The following SYT13 variants were observed in gnomAD, a reference collection of about 807,000 sequenced individuals.
The protein encoded by SYT13 is synaptotagmin-13.
Under a neutral mutation model 38.6 loss-of-function variants are expected in SYT13, and 21 were observed. The observed-to-expected ratio is 0.54, with a 90% CI of 0.39 to 0.78. The LOEUF (loss-of-function observed/expected upper bound fraction) is 0.78, where lower values mean the gene tolerates loss of function less well. Among genes scored for constraint, SYT13 ranks in the 30% least tolerant of loss-of-function variants. SYT13 has a pLI of 0.00. For missense variants in SYT13, 495 were observed against 548.7 expected, an observed-to-expected ratio of 0.90 and a Z score of 0.98; for synonymous variants, 241 against 237.6, an observed-to-expected ratio of 1.01 and a Z score of -0.13.
intron 4 of SYT13, 39 bp from the exon 5 acceptor site, chr11:45,246,551 TG>T: frequency 1.2e-6 from 2 of 1,606,560 alleles, no homozygotes; most frequent in Non-Finnish European, 8.5e-7. Flanking sequence ...GAGTCTCACC[TG>T]GGGACGCCTT....
In SYT13 at chr11:45,252,699, C is replaced by T. The variant is rs748002772; in HGVS notation, c.568G>A (p.Gly190Ser). The T allele has an allele frequency of 2.5e-6, 4 of 1,582,344 alleles. No individual in the cohort carries two copies. The South Asian group carries it at 3.4e-5, about 13-fold the overall frequency. Residue 190 changes from glycine (G) to serine (S), a missense_variant, in exon 4 of 6, where the codon GGC becomes AGC. Coordinates refer to ENST00000020926, the MANE Select transcript of SYT13 (RefSeq NM_020826.3). The surrounding 1 kb of genome is among the most constrained non-coding windows in gnomAD (Gnocchi z 4.3). The part of the protein sequence containing the change: ...LEAVTSNHDG[G>S]CDCYVQGSVA... ...CTCCCTTGGACGTAGCAGTCACAGC[C>T]TCCGTCGTGGTTGCTGGTCACAGCT... is the stretch of plus-strand genomic sequence containing the variant.
intron 4 of SYT13, among the ~76,000 whole-genome samples, chr11:45,249,834 A>C (rs568720225): frequency 4.3e-4 from 65 of 152,200 alleles, no homozygotes; most frequent in Non-Finnish European, 8.4e-4. Flanking sequence ...CCAACATGGC[A>C]CATGTGTACC....
At chr11:45,256,924 T>C (rs1854754646) in intron 1 of SYT13, among the ~76,000 whole-genome samples, 1 of 152,228 alleles carries the variant, frequency 6.6e-6, no homozygotes, top group Non-Finnish European at 1.5e-5. Flanking sequence ...AGAGTGTCAC[T>C]GGGCATCAAG....
In SYT13 at chr11:45,255,742, A is replaced by G; in HGVS notation, c.333T>C (p.Pro111=). 1.2e-6 allele frequency: 2 copies of G among 1,614,156 alleles called. No individual in the cohort carries two copies. The highest frequency in any genetic ancestry group is 1.7e-6 in the Non-Finnish European group (2 of 1,180,018). Residue 111 remains proline (P), a synonymous_variant, in exon 2 of 6, where the codon CCT becomes CCC. Transcript: ENST00000020926. ...SLRSTEEPTA[P]ASPQPPNDSR... ...TGTCATTCGGGGGTTGGGGGCTGGC[A>G]GGTGCAGTGGGCTCCTCCGTAGACC...
rs536506064 is a variant in SYT13 at position 45,252,929 on chromosome 11, C to T, written c.545-207G>A. Reference sequence around the variant, plus strand: ...TGAGGGGGCTGGCCTCAGCACATGCCGATTCTCTTTCTTGGAGAGCAGGGA... The same window carrying T: ...TGAGGGGGCTGGCCTCAGCACATGCTGATTCTCTTTCTTGGAGAGCAGGGA... On this transcript the variant is annotated intron_variant, in intron 3 of 5. Coordinates refer to ENST00000020926, the MANE Select transcript of SYT13 (RefSeq NM_020826.3). The surrounding 1 kb of genome is among the most constrained non-coding windows in gnomAD (Gnocchi z 4.3). 1.5e-3 allele frequency among the ~76,000 whole-genome samples: 222 copies of T among 152,220 alleles called. 2 individuals carry two copies. The highest frequency in any genetic ancestry group is 5.0e-3 in the African/African-American group (209 of 41,540).
intron 1 of SYT13, among the ~76,000 whole-genome samples, chr11:45,282,648 A>G (rs1218179429): frequency 2.0e-4 from 31 of 152,274 alleles, no homozygotes; most frequent in Admixed American, 2.0e-3. Context: ...GTAATGTGCT[A>G]CCAAGCTATC....
At chr11:45,259,464 G>T (rs565729124) in intron 1 of SYT13, among the ~76,000 whole-genome samples, 1 of 152,254 alleles carries the variant, frequency 6.6e-6, no homozygotes, top group East Asian at 1.9e-4. Flanking sequence ...TGACACTCTG[G>T]CTCTGCCTTC....
intron 1 of SYT13, among the ~76,000 whole-genome samples, chr11:45,272,949 A>G (rs1247894773): frequency 6.6e-6 from 1 of 152,214 alleles, no homozygotes; most frequent in Non-Finnish European, 1.5e-5. Context: ...TGCCAATTTC[A>G]TTGGCACACT....
At chr11:45,248,887 T>C (rs1264475438) in intron 4 of SYT13, among the ~76,000 whole-genome samples, 1 of 152,238 alleles carries the variant, frequency 6.6e-6, no homozygotes, top group Admixed American at 6.5e-5. Flanking sequence ...ACCTGCTCCC[T>C]GGGCACTGCT....
chr11:45,281,996 A>G (rs1167323975), intron 1 of SYT13, among the ~76,000 whole-genome samples: 3 of 152,194 alleles, frequency 2.0e-5, no homozygotes, highest in African/African-American at 7.2e-5. Context: ...AGGACTTTCT[A>G]TGAAAGGTCC....
intron 1 of SYT13, among the ~76,000 whole-genome samples, chr11:45,270,292 C>A (rs993368530): frequency 6.6e-6 from 1 of 152,102 alleles, no homozygotes; most frequent in African/African-American, 2.4e-5. Context: ...TCATTTGAAT[C>A]CTTTAGACTT....
At chr11:45,254,444 G>A in intron 2 of SYT13, 40 bp from the exon 3 acceptor site, 1 of 1,596,436 alleles carries the variant, frequency 6.3e-7, no homozygotes, top group Non-Finnish European at 8.5e-7. Flanking sequence ...ACCCACACTG[G>A]GGTTCTGCTT....
intron 1 of SYT13, among the ~76,000 whole-genome samples, chr11:45,260,350 T>G (rs1280506284): frequency 6.6e-6 from 1 of 152,220 alleles, no homozygotes; most frequent in Non-Finnish European, 1.5e-5. Context: ...CAAACCTGGT[T>G]CCATCACATC....
In SYT13 at chr11:45,243,380, C is replaced by T. The variant is rs1854575779; in HGVS notation, c.*672G>A. The T allele has an allele frequency of 6.6e-6, 1 of 152,180 alleles. No homozygotes were observed. Among genetic ancestry groups the T allele is most frequent in the Non-Finnish European group, 1.5e-5 (1 of 68,042 alleles). 9.4% of individuals were successfully genotyped at this position (152,180 alleles called of 1,614,324 possible). On this transcript the variant is annotated 3_prime_UTR_variant, in exon 6 of 6. Coordinates refer to ENST00000020926, the MANE Select transcript of SYT13 (RefSeq NM_020826.3). Reference sequence around the variant, plus strand: ...AACTGGCTGCACCATGGTTTTGGGACTCCATCAAGGACTGTGGCCAAAAAC... The same window carrying T: ...AACTGGCTGCACCATGGTTTTGGGATTCCATCAAGGACTGTGGCCAAAAAC...
intron 4 of SYT13, among the ~76,000 whole-genome samples, chr11:45,251,386 T>TAAAAAAAAAAAAAAAAAAAAAAAA (rs10649998): frequency 1.7e-4 from 13 of 75,354 alleles, no homozygotes; most frequent in African/African-American, 7.5e-4. Flanking sequence ...AGACTCTGTC[T>TAAAAAAAAAAAAAAAAAAAAAAAA]AAAAAAAAAA....
intron 1 of SYT13, among the ~76,000 whole-genome samples, chr11:45,270,256 T>C (rs916402359): frequency 6.6e-6 from 1 of 152,234 alleles, no homozygotes; most frequent in East Asian, 1.9e-4. Context: ...TTCTGTCAGA[T>C]AGGAACACAA....
chr11:45,253,796 T>A (rs1854706994), intron 3 of SYT13: 1 of 152,550 alleles, frequency 6.6e-6, no homozygotes. Flanking sequence ...TGCCTTTCCT[T>A]CCGGGGCACC....
intron 1 of SYT13, among the ~76,000 whole-genome samples, chr11:45,272,440 T>G (rs976863979): frequency 2.0e-5 from 3 of 152,214 alleles, no homozygotes; most frequent in Admixed American, 1.3e-4. Flanking sequence ...TTCTTCTGTG[T>G]GAATTTCATG....
In SYT13 at chr11:45,242,890, G is replaced by C. The variant is rs1854568767; in HGVS notation, c.*1162C>G. 1 of 152,198 alleles carries C rather than the reference G, an allele frequency of 6.6e-6. No individual in the cohort carries two copies. The highest frequency in any genetic ancestry group is 1.5e-5 in the Non-Finnish European group (1 of 68,040). 9.4% of individuals were successfully genotyped at this position (152,198 alleles called of 1,614,324 possible). A position where few individuals can be genotyped will look rare whatever the true frequency, so the allele number is the denominator to read the frequency against. On this transcript the variant is annotated 3_prime_UTR_variant, in exon 6 of 6. Transcript: ENST00000020926. ...CAAGGTAGGAATTCAAAACCTAGCTGCTGGTTATTTACCCATTCAAGTGAA... is the reference window on the plus strand; with the variant it reads ...CAAGGTAGGAATTCAAAACCTAGCTCCTGGTTATTTACCCATTCAAGTGAA...
Sources: allele counts gnomAD v4.1 joint callset (sites outside exome capture counted in the v4.1 genomes callset), GRCh38; gene constraint gnomAD v4.1.1; non-coding constraint Gnocchi (gnomAD v3.1); transcripts MANE v1.5; gene names NCBI Gene and HGNC (gene_info 2026-07-23, HGNC 2026-07-21).